KRT6C: variants seen among roughly 807,000 people sequenced by gnomAD.
The protein encoded by KRT6C is keratin, type II cytoskeletal 6C.
Under a neutral mutation model 49.4 loss-of-function variants are expected in KRT6C, and 46 were observed. That is an observed-to-expected ratio of 0.93 (90% confidence interval 0.74 to 1.19). KRT6C has a LOEUF of 1.19. KRT6C is among the 50% of genes most tolerant of loss of function. The probability of loss-of-function intolerance (pLI) is 0.00; values close to 1 mark genes in which losing one functional copy is unlikely to be tolerated. For synonymous variants in KRT6C, 236 were observed against 297.1 expected, an observed-to-expected ratio of 0.79 and a Z score of 2.12; for missense variants, 552 against 737.5, an observed-to-expected ratio of 0.75 and a Z score of 2.91.
Position 52,470,636 on chromosome 12 carries a change from G to A in KRT6C, c.1078-6C>T, listed in dbSNP as rs1477040113. The A allele has an allele frequency of 6.2e-7, 1 of 1,613,944 alleles. No individual in the cohort carries two copies. Among genetic ancestry groups the A allele is most frequent in the Admixed American group, 1.7e-5 (1 of 60,006 alleles). ...GTGACCTGCAGCTCCTCGTACTGCAGCCCAGAGGTGGAGAGAGAGACAGTG... is the reference window on the plus strand; with the variant it reads ...GTGACCTGCAGCTCCTCGTACTGCAACCCAGAGGTGGAGAGAGAGACAGTG... On this transcript the variant is annotated splice_polypyrimidine_tract_variant and splice_region_variant and intron_variant, in intron 5 of 8. Transcript: ENST00000252250.
At chr12:52,470,729 A>C (rs903076266) in intron 5 of KRT6C, 99 bp from the exon 6 acceptor site, 23 of 1,610,458 alleles carry the variant, frequency 1.4e-5, no homozygotes, top group Non-Finnish European at 1.9e-5. Context: ...AGTGGACCTA[A>C]TGGCTTCTCC....
chr12:52,470,393 C>G, intron 6 of KRT6C, 112 bp downstream of exon 6: 1 of 1,582,102 alleles, frequency 6.3e-7, no homozygotes. Context: ...ACACATGTTC[C>G]TCACCCTAGT....
chr12:52,470,463 GC>G, intron 6 of KRT6C, 41 bp downstream of exon 6: 1 of 1,613,966 alleles, frequency 6.2e-7, no homozygotes, highest in Non-Finnish European at 8.5e-7. Flanking sequence ...GATGGGTCTA[GC>G]AAAAAATGAT....
At chr12:52,469,475 C>T (rs775661040) in intron 7 of KRT6C, 30 bp from the exon 8 acceptor site, 5 of 1,613,936 alleles carry the variant, frequency 3.1e-6, no homozygotes, top group Middle Eastern at 1.7e-4. Context: ...GAGGGTGAGA[C>T]CTCAGAGAGC....
Position 52,471,162 on chromosome 12 carries a change from C to A in KRT6C, c.1047G>T (p.Arg349=), listed in dbSNP as rs1264743850. ...TCTGGTACCAGGACTCAGCCTCAGCCCGGCTCCTCTGAGCAATCTCCTCGT... is the reference window on the plus strand; with the variant it reads ...TCTGGTACCAGGACTCAGCCTCAGCACGGCTCCTCTGAGCAATCTCCTCGT... ...AQYEEIAQRS[R]AEAESWYQTK... Residue 349 remains arginine (R), a synonymous_variant, in exon 5 of 9, where the codon CGG becomes CGT. Coordinates refer to ENST00000252250, the MANE Select transcript of KRT6C (RefSeq NM_173086.5). 1.9e-6 allele frequency: 3 copies of A among 1,614,140 alleles called. No individual in the cohort carries two copies. Among genetic ancestry groups the A allele is most frequent in the Non-Finnish European group, 2.5e-6 (3 of 1,180,024 alleles).
At chr12:52,470,063 C>T (rs1015104599) in intron 6 of KRT6C, 173 bp from the exon 7 acceptor site, 2 of 806,788 alleles carry the variant, frequency 2.5e-6, no homozygotes, top group African/African-American at 3.4e-5. Flanking sequence ...AGTCAAGTGA[C>T]AAAGTCCTAT....
intron 6 of KRT6C, 105 bp downstream of exon 6, chr12:52,470,400 T>G: frequency 1.3e-6 from 2 of 1,589,826 alleles, no homozygotes; most frequent in Non-Finnish European, 1.7e-6. Context: ...TTCCTCACCC[T>G]AGTGTTGGTT....
At chr12:52,470,409 T>C in intron 6 of KRT6C, 96 bp downstream of exon 6, 1 of 1,605,992 alleles carries the variant, frequency 6.2e-7, no homozygotes, top group Non-Finnish European at 8.5e-7. Flanking sequence ...CTAGTGTTGG[T>C]TTACGTTTCA....
chr12:52,473,008 A>C (rs1937914247), intron 1 of KRT6C, among the ~76,000 whole-genome samples, 190 bp downstream of exon 1: 1 of 149,978 alleles, frequency 6.7e-6, no homozygotes, highest in Non-Finnish European at 1.5e-5. Context: ...AGTGAGGGCC[A>C]CTCCAGAGAT....
At position 52,469,863 on chromosome 12, in the gene KRT6C, C is replaced by A; in HGVS notation, c.1231G>T (p.Asp411Tyr). ...GCCATCTCCCCACGCTGCTCAGCAT[C>A]AGCAATGGCAGCCTGCAGGCTGGCA... The part of the protein sequence containing the change: ...QCASLQAAIA[D>Y]AEQRGEMALK... Residue 411 changes from aspartate to tyrosine, a missense_variant, in exon 7 of 9, where the codon GAT becomes TAT. Coordinates refer to ENST00000252250, the MANE Select transcript of KRT6C (RefSeq NM_173086.5). 6.2e-7 allele frequency: 1 copy of A among 1,614,126 alleles called. No individual in the cohort carries two copies. Among genetic ancestry groups the A allele is most frequent in the Non-Finnish European group, 8.5e-7 (1 of 1,180,014 alleles).
Position 52,469,710 on chromosome 12 carries a change from T to C in KRT6C, c.1384A>G (p.Ile462Val), listed in dbSNP as rs759033023. ...TCCAGCAGCTTGCGGTAGGTGGCGA[T>C]CTCCACATCCAGGGCCAGCTTGACA... The part of the protein sequence containing the change: ...MNVKLALDVE[I>V]ATYRKLLEGE... The change falls in exon 7 of 9, where the codon ATC becomes GTC. Residue 462 changes from isoleucine to valine, a missense_variant. Physicochemically the swap from Ile to Val is conservative, Grantham distance 29. This residue lies in a region of KRT6C where 425 missense variants were observed against 439.4 expected (regional missense o/e 0.97). Coordinates refer to ENST00000252250, the MANE Select transcript of KRT6C (RefSeq NM_173086.5). 12 of 1,613,962 alleles carry C rather than the reference T, an allele frequency of 7.4e-6. No homozygotes were observed. Among genetic ancestry groups the C allele is most frequent in the Admixed American group, 3.3e-5 (2 of 60,008 alleles).
Position 52,469,016 on chromosome 12 carries a change from A to G in KRT6C, c.*46T>C. 6.2e-7 allele frequency: 1 copy of G among 1,613,064 alleles called. No individual in the cohort carries two copies. The highest frequency in any genetic ancestry group is 1.1e-5 in the South Asian group (1 of 91,040). On this transcript the variant is annotated 3_prime_UTR_variant, in exon 9 of 9. Coordinates refer to ENST00000252250, the MANE Select transcript of KRT6C (RefSeq NM_173086.5). The stretch of plus-strand genomic sequence containing the variant: ...AACCTGAGGAGACGGCTCTGCAGCC[A>G]GAGAAGGGCCTGAGGACTGTGGGAC...
rs1565808761 is a variant in KRT6C, at chr12:52,471,122, C to T, written c.1077+10G>A. 1 of 1,614,190 alleles carries T rather than the reference C, an allele frequency of 6.2e-7. No homozygotes were observed. Among genetic ancestry groups the T allele is most frequent in the Non-Finnish European group, 8.5e-7 (1 of 1,180,028 alleles). ...AAGGATTCCTCAGCAGCTGCCCACT[C>T]CCTGCTCACCTTGGTCTGGTACCAG... On this transcript the variant is annotated intron_variant, in intron 5 of 8. Coordinates refer to ENST00000252250, the MANE Select transcript of KRT6C (RefSeq NM_173086.5).
rs376855829 is a variant in KRT6C at position 52,472,155 on chromosome 12, C to T, written c.666G>A (p.Arg222=). 1.1e-4 allele frequency: 169 copies of T among 1,519,184 alleles called. 18 individuals are homozygous for T. The highest frequency in any genetic ancestry group is 1.8e-4 in the Middle Eastern group (1 of 5,690). 94.1% of individuals were successfully genotyped at this position (1,519,184 alleles called of 1,614,324 possible). Residue 222 remains arginine (R), a synonymous_variant, in exon 2 of 9, where the codon AGG becomes AGA. Transcript: ENST00000252250. ...PLFEQYINNL[R]RQLDSIVGER... is the part of the protein sequence containing the mutation. Reference sequence around the variant, plus strand: ...CCCCGACGATGCTGTCCAGCTGCCTCCTGAGGTTGTTGATGTACTGCTCGA... The same window carrying T: ...CCCCGACGATGCTGTCCAGCTGCCTTCTGAGGTTGTTGATGTACTGCTCGA...
chr12:52,471,374 T>C (rs1427602177), intron 4 of KRT6C, 47 bp downstream of exon 4: 1 of 1,614,130 alleles, frequency 6.2e-7, no homozygotes, highest in Non-Finnish European at 8.5e-7. Flanking sequence ...TCTTCTCCCC[T>C]TTGCAGACCC....
chr12:52,471,095 A>C, intron 5 of KRT6C, 37 bp downstream of exon 5: 1 of 1,614,176 alleles, frequency 6.2e-7, no homozygotes, highest in Non-Finnish European at 8.5e-7. Context: ...CAGGATGGAC[A>C]CAAGGATTCC....
intron 7 of KRT6C, 72 bp from the exon 8 acceptor site, chr12:52,469,517 C>T (rs376120086): frequency 1.6e-4 from 262 of 1,613,608 alleles, no homozygotes; most frequent in African/African-American, 2.7e-4. Flanking sequence ...TGGGCAGCCT[C>T]GGTGGGTGGA....
intron 6 of KRT6C, 185 bp downstream of exon 6, chr12:52,470,320 C>G: frequency 9.4e-7 from 1 of 1,068,146 alleles, no homozygotes; most frequent in Non-Finnish European, 1.4e-6. Flanking sequence ...GCTTGTGCCT[C>G]AGAGGCTCAT....
chr12:52,469,812 C>G lies in KRT6C; in HGVS notation c.1282G>C (p.Glu428Gln), dbSNP rs542254329. ...MALKDAKNKL[E>Q]GLEDALQKAK... ...TTCTGCAGGGCATCCTCCAGCCCTT[C>G]CAGCTTGTTCTTAGCATCCTTGAGT... is the stretch of plus-strand genomic sequence containing the variant. The change falls in exon 7 of 9, where the codon GAA becomes CAA. Residue 428 changes from glutamate to glutamine, a missense_variant. Physicochemically the swap from Glu to Gln is conservative, Grantham distance 29. Transcript: ENST00000252250. The G allele has an allele frequency of 4.3e-6, 7 of 1,614,132 alleles. No homozygotes were observed. The highest frequency in any genetic ancestry group is 1.7e-5 in the Admixed American group (1 of 60,024).
Sources: allele counts gnomAD v4.1 joint callset (sites outside exome capture counted in the v4.1 genomes callset), GRCh38; gene constraint gnomAD v4.1.1; regional missense constraint gnomAD v4.1.1; transcripts MANE v1.5; gene names NCBI Gene and HGNC (gene_info 2026-07-23, HGNC 2026-07-21).